ATG5: variants seen among roughly 807,000 people sequenced by gnomAD.
The protein encoded by ATG5 is autophagy related 5.
Under a neutral mutation model 36.5 loss-of-function variants are expected in ATG5, and 14 were observed. The ratio of observed to expected loss-of-function variants is 0.38; its 90% CI spans 0.25 to 0.60. The LOEUF (loss-of-function observed/expected upper bound fraction) is 0.60. Among genes scored for constraint, ATG5 ranks in the 20% least tolerant of loss-of-function variants. ATG5 has a pLI of 0.60. For synonymous variants in ATG5, 95 were observed against 101.5 expected (o/e 0.94, Z 0.38); for missense variants, 195 against 326.7 (o/e 0.60, Z 3.11).
chr6:106,314,859 C>T (rs1055024684), intron 2 of ATG5, among the ~76,000 whole-genome samples: 10 of 152,072 alleles, frequency 6.6e-5, no homozygotes, highest in East Asian at 1.9e-4. Flanking sequence ...AGACAGAAAA[C>T]GGTTGATATT....
At position 106,245,447 on chromosome 6, in the gene ATG5, C is replaced by T. The variant is rs924402633; in HGVS notation, c.573+2703G>A. On this transcript the variant is annotated intron_variant, in intron 6 of 7. Coordinates refer to ENST00000369076, the MANE Select transcript of ATG5 (RefSeq NM_004849.4). ...CAAAAGTCATAGTTTGCTCATAAAT[C>T]AGGCCTAGGTCTGGATTCTAGTTCT... 2.6e-5 allele frequency among the ~76,000 whole-genome samples: 4 copies of T among 152,168 alleles called. No individual in the cohort carries two copies. In the South Asian group the frequency reaches 8.3e-4, roughly 32 times the overall value.
intron 4 of ATG5, among the ~76,000 whole-genome samples, chr6:106,287,595 A>C (rs1377424937): frequency 6.6e-6 from 1 of 152,188 alleles, no homozygotes; most frequent in East Asian, 1.9e-4. Context: ...CCATGTTACC[A>C]AGAGGAAGAA....
intron 7 of ATG5, among the ~76,000 whole-genome samples, chr6:106,192,204 G>C (rs998463860): frequency 6.6e-6 from 1 of 151,052 alleles, no homozygotes; most frequent in Non-Finnish European, 1.5e-5. Context: ...TCATTTAATA[G>C]ACTTTAGGTA....
rs367670654 is a variant in ATG5, at chr6:106,252,002, G to A, written c.479-3758C>T. 5.3e-5 allele frequency among the ~76,000 whole-genome samples: 8 copies of A among 152,086 alleles called. No homozygotes were observed. The East Asian group carries it at 9.7e-4, about 18-fold the overall frequency. The stretch of plus-strand genomic sequence containing the variant: ...GTTATAGGCATGCATCATCACGCCC[G>A]GCTAATTTTTGTATTTTTAGTAGAG... On this transcript the variant is annotated intron_variant, in intron 5 of 7. Coordinates refer to ENST00000369076, the MANE Select transcript of ATG5 (RefSeq NM_004849.4).
At chr6:106,193,439 G>A (rs1458528332) in intron 7 of ATG5, among the ~76,000 whole-genome samples, 1 of 151,808 alleles carries the variant, frequency 6.6e-6, no homozygotes, top group Non-Finnish European at 1.5e-5. Flanking sequence ...ATTGACTTTT[G>A]CTTATAATCT....
At chr6:106,260,701 C>T (rs777755827) in intron 5 of ATG5, among the ~76,000 whole-genome samples, 4 of 152,102 alleles carry the variant, frequency 2.6e-5, no homozygotes, top group Non-Finnish European at 4.4e-5. Context: ...GGATTCTGAA[C>T]GTTACATAGC....
intron 2 of ATG5, among the ~76,000 whole-genome samples, chr6:106,309,896 T>C (rs559971416): frequency 7.2e-5 from 11 of 152,260 alleles, no homozygotes; most frequent in South Asian, 4.1e-4. Flanking sequence ...ATCTATTCTG[T>C]AGAAAACAAT....
rs1434229048 is a variant in ATG5, at chr6:106,248,217, T to C, written c.506A>G (p.Asn169Ser). The change falls in exon 6 of 8, where the codon AAT becomes AGT. Residue 169 changes from asparagine to serine, a missense_variant. Coordinates refer to ENST00000369076, the MANE Select transcript of ATG5 (RefSeq NM_004849.4). The part of the protein sequence containing the change: ...NDRFDQFWAI[N>S]RKLMEYPAEE... ...TGCAGGATATTCCATGAGTTTCCGATTGATGGCCCAAAACTGGTCAAATCT... is the reference window on the plus strand; with the variant it reads ...TGCAGGATATTCCATGAGTTTCCGACTGATGGCCCAAAACTGGTCAAATCT... 5.0e-6 allele frequency: 8 copies of C among 1,612,434 alleles called. No individual in the cohort carries two copies. The highest frequency in any genetic ancestry group is 1.3e-5 in the African/African-American group (1 of 74,888).
At chr6:106,286,030 G>A (rs1780063583) in intron 4 of ATG5, among the ~76,000 whole-genome samples, 1 of 151,264 alleles carries the variant, frequency 6.6e-6, no homozygotes, top group African/African-American at 2.5e-5. Flanking sequence ...ATCATAAGAC[G>A]TTCAGTATCT....
Position 106,279,686 on chromosome 6 carries a change from C to T in ATG5, c.453G>A (p.Lys151=). The T allele has an allele frequency of 6.2e-7, 1 of 1,601,092 alleles. No homozygotes were observed. Among genetic ancestry groups the T allele is most frequent in the Non-Finnish European group, 8.5e-7 (1 of 1,174,734 alleles). The change falls in exon 5 of 8, where the codon AAG becomes AAA. Residue 151 remains lysine, a synonymous_variant. Transcript: ENST00000369076. ...CATTTTGCAATCCCATCCAGAGTTG[C>T]TTGTGATCTTTTTTCTGCATTTCAT... ...VINEMQKKDH[K]QLWMGLQNDR...
intron 4 of ATG5, among the ~76,000 whole-genome samples, chr6:106,292,436 TA>T (rs1780346626): frequency 6.6e-6 from 1 of 152,164 alleles, no homozygotes. Context: ...AGTCTGGTCT[TA>T]AAAACTACAG....
chr6:106,278,469 A>G (rs1779746651), intron 5 of ATG5, among the ~76,000 whole-genome samples: 1 of 152,124 alleles, frequency 6.6e-6, no homozygotes, highest in Non-Finnish European at 1.5e-5. Flanking sequence ...TTCCTTTGGG[A>G]CATCTTCATC....
At chr6:106,279,920 T>C (rs1779812390) in intron 4 of ATG5, 97 bp from the exon 5 acceptor site, 1 of 807,838 alleles carries the variant, frequency 1.2e-6, no homozygotes. Context: ...TCAATATTTC[T>C]AGTAAACTAT....
At chr6:106,270,089 CAA>C (rs1441211803) in intron 5 of ATG5, among the ~76,000 whole-genome samples, 1 of 152,168 alleles carries the variant, frequency 6.6e-6, no homozygotes, top group East Asian at 1.9e-4. Context: ...CAAATTATTA[CAA>C]AGTTAATTTA....
At chr6:106,240,777 A>G (rs79335082) in intron 6 of ATG5, among the ~76,000 whole-genome samples, 3,758 of 152,304 alleles carry the variant, frequency 0.025, 65 homozygotes, top group African/African-American at 0.05. Flanking sequence ...AATGGTAAAA[A>G]CTAGAAAAAA....
intron 6 of ATG5, among the ~76,000 whole-genome samples, chr6:106,204,353 A>G (rs774370596): frequency 1.3e-5 from 2 of 152,206 alleles, no homozygotes; most frequent in Non-Finnish European, 2.9e-5. Flanking sequence ...ATCCAATAAT[A>G]TATTTGAGTG....
At chr6:106,236,485 T>A (rs1268951703) in intron 6 of ATG5, among the ~76,000 whole-genome samples, 1 of 152,232 alleles carries the variant, frequency 6.6e-6, no homozygotes, top group African/African-American at 2.4e-5. Flanking sequence ...ACAGCCTTTT[T>A]ACTACTTTGT....
At chr6:106,276,506 T>C (rs891786865) in intron 5 of ATG5, among the ~76,000 whole-genome samples, 12 of 151,242 alleles carry the variant, frequency 7.9e-5, no homozygotes, top group African/African-American at 2.9e-4. Flanking sequence ...AGCAGTTGAC[T>C]TGACCTAAGG....
intron 5 of ATG5, among the ~76,000 whole-genome samples, chr6:106,273,710 C>T (rs1451495562): frequency 6.6e-6 from 1 of 152,098 alleles, no homozygotes; most frequent in East Asian, 1.9e-4. Context: ...TCTGGTGCTC[C>T]ATCTCAAAAC....
Sources: allele counts gnomAD v4.1 joint callset (sites outside exome capture counted in the v4.1 genomes callset), GRCh38; gene constraint gnomAD v4.1.1; transcripts MANE v1.5; gene names NCBI Gene and HGNC (gene_info 2026-07-23, HGNC 2026-07-21).